RANBP2: variants seen among roughly 807,000 people sequenced by gnomAD.
The protein encoded by RANBP2 is E3 SUMO-protein ligase RanBP2.
RANBP2 carries 57 observed loss-of-function variants against 303.6 expected under a neutral mutation model. The ratio of observed to expected loss-of-function variants is 0.19; its 90% CI spans 0.15 to 0.23. RANBP2 has a LOEUF of 0.23. RANBP2 is among the 10% of genes least tolerant of loss of function. The pLI is 1.00. For synonymous variants in RANBP2, 1,167 were observed against 1,301.5 expected (o/e 0.90, Z 2.23); for missense variants, 3,138 against 3,780.8 (o/e 0.83, Z 4.46).
the RANBP2 span, among the ~76,000 whole-genome samples, chr2:109,688,991 C>G: frequency 1.3e-5 from 2 of 151,090 alleles, no homozygotes. Flanking sequence ...ACTGCAACCT[C>G]TGCCTTCTGG....
At chr2:109,718,139 C>T in the RANBP2 span, among the ~76,000 whole-genome samples, 1 of 152,090 alleles carries the variant, frequency 6.6e-6, no homozygotes, top group South Asian at 2.1e-4. Flanking sequence ...TAAAATGATG[C>T]GGCCACTTTG....
At chr2:109,325,985 A>T in the RANBP2 span, among the ~76,000 whole-genome samples, 1 of 152,260 alleles carries the variant, frequency 6.6e-6, no homozygotes, top group Non-Finnish European at 1.5e-5. Context: ...GTCATGTTTA[A>T]AGAAGAACAA....
chr2:108,903,440 G>C, the RANBP2 span, among the ~76,000 whole-genome samples: 1 of 149,354 alleles, frequency 6.7e-6, no homozygotes, highest in African/African-American at 2.5e-5. Context: ...AAAGATTTTT[G>C]AAAAAAAAAT....
the RANBP2 span, among the ~76,000 whole-genome samples, chr2:109,677,550 A>G: frequency 3.3e-5 from 5 of 152,200 alleles, no homozygotes; most frequent in Non-Finnish European, 5.9e-5. Flanking sequence ...ATGGGTCGCC[A>G]GAGGTACTTT....
the RANBP2 span, among the ~76,000 whole-genome samples, chr2:109,477,323 C>T: frequency 6.6e-6 from 1 of 152,202 alleles, no homozygotes; most frequent in Non-Finnish European, 1.5e-5. Context: ...CCATGCCGCT[C>T]CCTGCCCTCC....
the RANBP2 span, among the ~76,000 whole-genome samples, chr2:109,062,501 C>T: frequency 6.6e-6 from 1 of 152,096 alleles, no homozygotes; most frequent in South Asian, 2.1e-4. Context: ...GTGGATTTTT[C>T]CATGTGCATG....
chr2:108,743,873 T>C (rs1696307687), intron 7 of RANBP2, among the ~76,000 whole-genome samples: 1 of 152,248 alleles, frequency 6.6e-6, no homozygotes, highest in Non-Finnish European at 1.5e-5. Context: ...AGAATGAATA[T>C]ATAATAGAAA....
the RANBP2 span, among the ~76,000 whole-genome samples, chr2:109,116,760 T>C: frequency 6.6e-6 from 1 of 152,200 alleles, no homozygotes; most frequent in Admixed American, 6.5e-5. Context: ...ATCTTTGTGG[T>C]TTTATCTACT....
intron 7 of RANBP2, among the ~76,000 whole-genome samples, chr2:108,741,159 A>G (rs1483243728): frequency 3.3e-5 from 5 of 152,098 alleles, no homozygotes; most frequent in South Asian, 2.1e-4. Flanking sequence ...GTAACAGTAT[A>G]TCTATTAATC....
In RANBP2 at chr2:108,749,541, A is replaced by G. The variant is rs546203972; in HGVS notation, c.1273+412A>G. On this transcript the variant is annotated intron_variant, in intron 9 of 28. Coordinates refer to ENST00000283195, the MANE Select transcript of RANBP2 (RefSeq NM_006267.5). The stretch of plus-strand genomic sequence containing the variant: ...TCAAACTCCTGACCTCAGGTGATCC[A>G]CCTGCCTTGGCCTCCCAAAGTGCTG... 8.8e-3 allele frequency among the ~76,000 whole-genome samples: 1,338 copies of G among 151,820 alleles called. 24 individuals carry two copies. Among genetic ancestry groups the G allele is most frequent in the African/African-American group, 0.03 (1,226 of 41,402 alleles).
At chr2:109,766,220 C>T in the RANBP2 span, among the ~76,000 whole-genome samples, 1 of 151,294 alleles carries the variant, frequency 6.6e-6, no homozygotes, top group African/African-American at 2.4e-5. Flanking sequence ...AGAAGAGTGG[C>T]TTCCAGGGCT....
chr2:109,326,925 C>A, the RANBP2 span, among the ~76,000 whole-genome samples: 2 of 152,204 alleles, frequency 1.3e-5, no homozygotes, highest in Non-Finnish European at 2.9e-5. Flanking sequence ...CTCTACCATT[C>A]GGTTCCAGTT....
At chr2:109,364,451 A>T in the RANBP2 span, among the ~76,000 whole-genome samples, 1 of 152,216 alleles carries the variant, frequency 6.6e-6, no homozygotes, top group Non-Finnish European at 1.5e-5. Context: ...TAAGTCTAAC[A>T]TTAGTTGCCA....
At chr2:109,232,651 A>G in the RANBP2 span, among the ~76,000 whole-genome samples, 1 of 152,116 alleles carries the variant, frequency 6.6e-6, no homozygotes, top group Non-Finnish European at 1.5e-5. Context: ...GGGGTGATTG[A>G]TTAACAATGT....
chr2:109,519,085 A>C, the RANBP2 span, among the ~76,000 whole-genome samples: 1 of 151,754 alleles, frequency 6.6e-6, no homozygotes, highest in South Asian at 2.1e-4. Context: ...TGCCTGGCTA[A>C]TTTTTGTATT....
At chr2:109,482,775 C>A in the RANBP2 span, among the ~76,000 whole-genome samples, 5 of 152,226 alleles carry the variant, frequency 3.3e-5, no homozygotes, top group Admixed American at 1.3e-4. Flanking sequence ...TGCTTCACCA[C>A]TGATAACAGC....
the RANBP2 span, among the ~76,000 whole-genome samples, chr2:109,137,019 A>G: frequency 6.6e-6 from 1 of 152,226 alleles, no homozygotes; most frequent in Non-Finnish European, 1.5e-5. Context: ...CATACACTAC[A>G]GTGGACACTG....
chr2:108,944,288 AT>A, the RANBP2 span, among the ~76,000 whole-genome samples: 1 of 152,028 alleles, frequency 6.6e-6, no homozygotes, highest in South Asian at 2.1e-4. Flanking sequence ...AAATTTTTGT[AT>A]TTTTAGTAGA....
the RANBP2 span, among the ~76,000 whole-genome samples, chr2:109,541,512 C>T: frequency 6.6e-6 from 1 of 152,212 alleles, no homozygotes; most frequent in African/African-American, 2.4e-5. Context: ...AACACCTAAC[C>T]TTGTGAGGCC....
Sources: gnomAD v4.1 joint callset for allele counts (sites outside exome capture counted in the v4.1 genomes callset) on GRCh38, gnomAD v4.1.1 for gene constraint, MANE v1.5 for transcripts, NCBI Gene and HGNC (gene_info 2026-07-23, HGNC 2026-07-21) for gene names.